DPP10: variants seen among roughly 807,000 people sequenced by gnomAD.
DPP10 encodes the protein inactive dipeptidyl peptidase 10.
Under a neutral mutation model 120.9 loss-of-function variants are expected in DPP10, and 33 were observed. The ratio of observed to expected loss-of-function variants is 0.27; its 90% CI spans 0.21 to 0.37. The LOEUF is 0.37. Ranked by LOEUF, DPP10 falls within the 10% of genes least tolerant of loss-of-function variation. The pLI, the probability that DPP10 is intolerant of heterozygous loss-of-function variation, is 1.00. For synonymous variants in DPP10, 337 were observed against 326.1 expected (o/e 1.03, Z -0.36); for missense variants, 816 against 942.8 (o/e 0.87, Z 1.76).
chr2:114,602,693 A>G (rs1692468807), intron 1 of DPP10, among the ~76,000 whole-genome samples: 2 of 152,038 alleles, frequency 1.3e-5, no homozygotes, highest in Admixed American at 6.6e-5. Context: ...TACACACATA[A>G]GGGAGAGTGT....
At chr2:115,265,827 C>A (rs1241817104) in intron 1 of DPP10, among the ~76,000 whole-genome samples, 1 of 151,850 alleles carries the variant, frequency 6.6e-6, no homozygotes, top group Non-Finnish European at 1.5e-5. Flanking sequence ...GCCTGTAGTC[C>A]CAGCTACTGG....
intron 3 of DPP10, chr2:115,440,983 C>T (rs2104866568): frequency 6.6e-6 from 1 of 152,220 alleles, no homozygotes; most frequent in Non-Finnish European, 1.5e-5. Context: ...CCCTTAGTGT[C>T]TTGTAAATTA....
chr2:115,410,996 T>C (rs753991452), intron 3 of DPP10, among the ~76,000 whole-genome samples: 2 of 152,120 alleles, frequency 1.3e-5, no homozygotes, highest in Non-Finnish European at 2.9e-5. Flanking sequence ...GGTTAAAATA[T>C]CAAGAGCCGT....
intron 3 of DPP10, among the ~76,000 whole-genome samples, chr2:115,475,170 G>A (rs1489773767): frequency 6.6e-6 from 1 of 152,036 alleles, no homozygotes; most frequent in African/African-American, 2.4e-5. Flanking sequence ...CTCCTCACAG[G>A]CCCAGAGACT....
At chr2:115,158,153 C>A (rs1215391425) in intron 1 of DPP10, among the ~76,000 whole-genome samples, 1 of 152,100 alleles carries the variant, frequency 6.6e-6, no homozygotes, top group East Asian at 1.9e-4. Context: ...CCTTTGTCTG[C>A]TATTTGAGGT....
At chr2:115,071,228 G>C (rs533165307) in intron 1 of DPP10, among the ~76,000 whole-genome samples, 1 of 151,734 alleles carries the variant, frequency 6.6e-6, no homozygotes, top group East Asian at 1.9e-4. Flanking sequence ...TATTCTCCCT[G>C]CCTATTTCTT....
chr2:114,902,968 C>A (rs1293847190), intron 1 of DPP10, among the ~76,000 whole-genome samples: 1 of 152,164 alleles, frequency 6.6e-6, no homozygotes, highest in Non-Finnish European at 1.5e-5. Context: ...CCTCCCTCCT[C>A]CCTCATTCCC....
chr2:115,383,885 T>A (rs2106492725), intron 3 of DPP10, among the ~76,000 whole-genome samples: 1 of 152,310 alleles, frequency 6.6e-6, no homozygotes, highest in African/African-American at 2.4e-5. Flanking sequence ...GTAGAGCTAC[T>A]TTGCTGAAAG....
At chr2:115,293,006 C>T (rs1173949706) in intron 1 of DPP10, among the ~76,000 whole-genome samples, 1 of 152,000 alleles carries the variant, frequency 6.6e-6, no homozygotes, top group Non-Finnish European at 1.5e-5. Flanking sequence ...AGGTATGAGC[C>T]CTGGCACTCA....
chr2:115,661,493 G>A (rs543445303), intron 5 of DPP10, among the ~76,000 whole-genome samples: 6 of 152,284 alleles, frequency 3.9e-5, no homozygotes, highest in East Asian at 3.9e-4. Context: ...TTTTGTTTTC[G>A]CTGGCATCAG....
At chr2:114,797,761 C>T (rs756280101) in intron 1 of DPP10, among the ~76,000 whole-genome samples, 1 of 152,196 alleles carries the variant, frequency 6.6e-6, no homozygotes, top group Admixed American at 6.5e-5. Context: ...TAGGTAGATT[C>T]TGTCCCCTCC....
At chr2:115,016,916 A>G (rs1200413844) in intron 1 of DPP10, among the ~76,000 whole-genome samples, 1 of 152,098 alleles carries the variant, frequency 6.6e-6, no homozygotes, top group Non-Finnish European at 1.5e-5. Context: ...AGGGACATGG[A>G]TGAAATTGGA....
At chr2:115,445,949 G>A (rs1428451648) in intron 3 of DPP10, among the ~76,000 whole-genome samples, 1 of 152,108 alleles carries the variant, frequency 6.6e-6, no homozygotes, top group South Asian at 2.1e-4. Flanking sequence ...GGGACTTGGT[G>A]TCCTGCGGCC....
chr2:114,733,860 TAGAC>T (rs1677164059), intron 1 of DPP10, among the ~76,000 whole-genome samples: 1 of 152,214 alleles, frequency 6.6e-6, no homozygotes, highest in Non-Finnish European at 1.5e-5. Context: ...TTAGATATAA[TAGAC>T]AGTGCCTTGT....
intron 21 of DPP10, among the ~76,000 whole-genome samples, chr2:115,817,951 G>C (rs1023461986): frequency 5.3e-5 from 8 of 151,900 alleles, no homozygotes; most frequent in African/African-American, 1.9e-4. Context: ...AAGGGAAGCT[G>C]GTTTTTAATG....
chr2:115,769,457 C>T (rs1171433678), intron 13 of DPP10, among the ~76,000 whole-genome samples: 1 of 151,932 alleles, frequency 6.6e-6, no homozygotes, highest in Non-Finnish European at 1.5e-5. Flanking sequence ...AAAACTTGTT[C>T]AGGGTCTGTG....
At chr2:114,733,890 G>A (rs1677167199) in intron 1 of DPP10, among the ~76,000 whole-genome samples, 1 of 152,084 alleles carries the variant, frequency 6.6e-6, no homozygotes, top group Non-Finnish European at 1.5e-5. Context: ...AGCAGTTTAG[G>A]AATATCATTT....
At chr2:114,685,543 T>C (rs1401623053) in intron 1 of DPP10, among the ~76,000 whole-genome samples, 1 of 152,052 alleles carries the variant, frequency 6.6e-6, no homozygotes, top group Non-Finnish European at 1.5e-5. Context: ...TGCTTGCTAG[T>C]GTTTCCCATT....
chr2:114,643,582 A>G (rs1230730065), intron 1 of DPP10, among the ~76,000 whole-genome samples: 3 of 151,792 alleles, frequency 2.0e-5, no homozygotes, highest in South Asian at 2.1e-4. Context: ...ACTGGACTGC[A>G]TATCATTCAG....
Sources: allele counts gnomAD v4.1 joint callset (sites outside exome capture counted in the v4.1 genomes callset), GRCh38; gene constraint gnomAD v4.1.1; transcripts MANE v1.5; gene names NCBI Gene and HGNC (gene_info 2026-07-23, HGNC 2026-07-21).